The following FMN1 variants were observed in gnomAD, a reference collection of about 807,000 sequenced individuals.
FMN1 encodes the protein formin 1, also known as formin-1.
A neutral mutation model predicts 132.4 loss-of-function variants in FMN1; 110 were observed. The ratio of observed to expected loss-of-function variants is 0.83; its 90% CI spans 0.71 to 0.97. The LOEUF is 0.97. Among genes scored for constraint, FMN1 ranks in the 50% least tolerant of loss-of-function variants. The pLI, the probability that FMN1 is intolerant of heterozygous loss-of-function variation, is 0.00. For synonymous variants in FMN1, 722 were observed against 651.7 expected (o/e 1.11, Z -1.64); for missense variants, 1,792 against 1,705.3 (o/e 1.05, Z -0.90).
intron 4 of FMN1, chr15:33,150,763 C>T (rs1159111550): frequency 1.0e-6 from 1 of 985,754 alleles, no homozygotes; most frequent in Non-Finnish European, 1.2e-6. Flanking sequence ...AATGACATCA[C>T]TTCAATAAAA....
At chr15:33,143,713 C>G (rs944253466) in intron 4 of FMN1, among the ~76,000 whole-genome samples, 1 of 152,176 alleles carries the variant, frequency 6.6e-6, no homozygotes, top group Non-Finnish European at 1.5e-5. Flanking sequence ...CTTGCAGCCA[C>G]TGCCTTATCA....
At chr15:33,059,209 C>T (rs2037370037) in intron 6 of FMN1, among the ~76,000 whole-genome samples, 1 of 152,204 alleles carries the variant, frequency 6.6e-6, no homozygotes, top group Non-Finnish European at 1.5e-5. Context: ...CACATTGGCA[C>T]AACTGAGAGA....
intron 16 of FMN1, among the ~76,000 whole-genome samples, chr15:32,879,158 C>T (rs890947353): frequency 6.6e-6 from 1 of 152,228 alleles, no homozygotes; most frequent in South Asian, 2.1e-4. Flanking sequence ...TTTACACCCA[C>T]TGCTTTTCTG....
chr15:32,897,586 G>C (rs558021268), intron 15 of FMN1, among the ~76,000 whole-genome samples: 1 of 152,202 alleles, frequency 6.6e-6, no homozygotes, highest in Non-Finnish European at 1.5e-5. Flanking sequence ...CAGAATACGT[G>C]TAGAGGGAAA....
chr15:33,178,649 G>A (rs763862173), intron 3 of FMN1, among the ~76,000 whole-genome samples: 6 of 152,138 alleles, frequency 3.9e-5, no homozygotes, highest in Non-Finnish European at 7.4e-5. Flanking sequence ...ACATTACATA[G>A]TTAAGTAATC....
chr15:32,781,533 A>T (rs1214952883), intron 19 of FMN1, among the ~76,000 whole-genome samples: 1 of 152,212 alleles, frequency 6.6e-6, no homozygotes, highest in Non-Finnish European at 1.5e-5. Context: ...GATAGATTTT[A>T]TTGACAAATA....
In FMN1 at chr15:32,812,871, C is replaced by T. The variant is rs1224301542; in HGVS notation, c.3929-8539G>A. On this transcript the variant is annotated intron_variant, in intron 17 of 20. Transcript: ENST00000616417. The stretch of plus-strand genomic sequence containing the variant: ...GGTGTCATGTATTCATTTATATTCT[C>T]TGGTGACTGTAATAATAATTTGTAT... Among the ~76,000 whole-genome samples the T allele has an allele frequency of 3.9e-5, 6 of 152,192 alleles. No individual in the cohort carries two copies. The East Asian group carries it at 1.2e-3, about 29-fold the overall frequency.
chr15:32,953,337 G>C (rs1181241976), intron 9 of FMN1, among the ~76,000 whole-genome samples: 1 of 152,172 alleles, frequency 6.6e-6, no homozygotes, highest in African/African-American at 2.4e-5. Flanking sequence ...AGATCAATCA[G>C]AATAACATTT....
At position 33,103,017 on chromosome 15, in the gene FMN1, G is replaced by A. The variant is rs146957126; in HGVS notation, c.1868-14043C>T. ...TAGGATGCAGGAAAAGGCTTAATGG[G>A]GCAGAACCTTACTTGCCTTCTCCAG... On this transcript the variant is annotated intron_variant, in intron 4 of 20. Coordinates refer to ENST00000616417, the MANE Select transcript of FMN1 (RefSeq NM_001277313.2). 9.2e-5 allele frequency among the ~76,000 whole-genome samples: 14 copies of A among 152,090 alleles called. No homozygotes were observed. The East Asian group carries it at 2.5e-3, about 27-fold the overall frequency.
At chr15:32,960,479 A>G (rs561703498) in intron 9 of FMN1, among the ~76,000 whole-genome samples, 4 of 152,158 alleles carry the variant, frequency 2.6e-5, no homozygotes, top group Non-Finnish European at 5.9e-5. Context: ...TTCCTTTAAT[A>G]CTTCTTTGGA....
Position 33,030,136 on chromosome 15 carries a change from C to T in FMN1, c.2162-22061G>A, listed in dbSNP as rs187180118. 3.4e-3 allele frequency among the ~76,000 whole-genome samples: 516 copies of T among 152,188 alleles called. 2 individuals are homozygous for T. The highest frequency in any genetic ancestry group is 9.4e-3 in the Admixed American group (144 of 15,276). ...TTGCACCACTGCACTCCAGCCTGGG[C>T]GACAGAGCAAGACTCCGTCTCAAAA... On this transcript the variant is annotated intron_variant, in intron 6 of 20. Transcript: ENST00000616417.
intron 5 of FMN1, among the ~76,000 whole-genome samples, chr15:33,085,727 G>T (rs1202658061): frequency 6.6e-6 from 1 of 151,876 alleles, no homozygotes; most frequent in Admixed American, 6.6e-5. Flanking sequence ...TAAGGAAATA[G>T]TCCTAAATAA....
chr15:33,130,330 A>G (rs1963486461), intron 4 of FMN1, among the ~76,000 whole-genome samples: 1 of 152,240 alleles, frequency 6.6e-6, no homozygotes, highest in Non-Finnish European at 1.5e-5. Context: ...ATAAATATAC[A>G]CACTTCAAAA....
At chr15:33,123,088 G>A (rs1346801116) in intron 4 of FMN1, among the ~76,000 whole-genome samples, 1 of 150,948 alleles carries the variant, frequency 6.6e-6, no homozygotes, top group African/African-American at 2.4e-5. Flanking sequence ...AGCCCAAATT[G>A]TAGAATCATC....
At chr15:33,129,936 G>A (rs143666286) in intron 4 of FMN1, among the ~76,000 whole-genome samples, 66 of 152,136 alleles carry the variant, frequency 4.3e-4, no homozygotes, top group African/African-American at 1.6e-3. Flanking sequence ...GGGACTACAG[G>A]CACACGCCAA....
intron 2 of FMN1, among the ~76,000 whole-genome samples, chr15:33,185,823 C>T (rs1351717791): frequency 6.6e-6 from 1 of 152,006 alleles, no homozygotes; most frequent in Admixed American, 6.6e-5. Flanking sequence ...CCTCTCACCT[C>T]GGCCTCCCAA....
intron 7 of FMN1, among the ~76,000 whole-genome samples, chr15:32,971,620 C>G (rs925351135): frequency 1.2e-4 from 18 of 152,304 alleles, no homozygotes; most frequent in African/African-American, 4.3e-4. Context: ...TCTGTCACAA[C>G]AAACTAACTC....
At chr15:32,949,289 A>T (rs28641732) in intron 9 of FMN1, among the ~76,000 whole-genome samples, 14,570 of 152,196 alleles carry the variant, frequency 0.096, 772 homozygotes, top group African/African-American at 0.15. Context: ...CTGACTTCAA[A>T]CTATACTACA....
intron 16 of FMN1, among the ~76,000 whole-genome samples, chr15:32,869,866 G>A (rs1258471075): frequency 1.3e-5 from 2 of 152,204 alleles, no homozygotes; most frequent in Non-Finnish European, 2.9e-5. Context: ...TGACACAGAG[G>A]TCACTTGTAA....
Sources: gnomAD v4.1 joint callset for allele counts (sites outside exome capture counted in the v4.1 genomes callset) on GRCh38, gnomAD v4.1.1 for gene constraint, MANE v1.5 for transcripts, NCBI Gene and HGNC (gene_info 2026-07-23, HGNC 2026-07-21) for gene names.